TAF6L: variants seen among roughly 807,000 people sequenced by gnomAD.
TAF6L encodes the protein TAF6-like RNA polymerase II p300/CBP-associated factor-associated factor 65 kDa subunit 6L.
In TAF6L, 34 loss-of-function variants were observed where a neutral mutation model predicts 57.3. That is an observed-to-expected ratio of 0.59 (90% CI 0.45 to 0.79). TAF6L has a LOEUF of 0.79. Ranked by LOEUF, TAF6L falls within the 30% of genes least tolerant of loss-of-function variation. The probability of loss-of-function intolerance (pLI) is 0.00; values close to 1 mark genes in which losing one functional copy is unlikely to be tolerated. For missense variants in TAF6L, 782 were observed against 853.2 expected, an observed-to-expected ratio of 0.92 and a Z score of 1.04; for synonymous variants, 417 against 376.3, an observed-to-expected ratio of 1.11 and a Z score of -1.25.
chr11:62,771,727 C>T (rs2584917), intron 1 of TAF6L: 1 of 206,832 alleles, frequency 4.8e-6, no homozygotes, highest in African/African-American at 2.3e-5. Flanking sequence ...CCCACGCCTC[C>T]TCTCCAGCGT....
intron 9 of TAF6L, among the ~76,000 whole-genome samples, chr11:62,783,526 A>C (rs1248982039): frequency 6.7e-6 from 1 of 148,284 alleles, no homozygotes; most frequent in Non-Finnish European, 1.5e-5. Flanking sequence ...TAATATTAAG[A>C]GGGAGGATCT....
At position 62,787,186 on chromosome 11, in the gene TAF6L, G is replaced by C. The variant is rs761942014; in HGVS notation, c.1759G>C (p.Gly587Arg). Reference sequence around the variant, plus strand: ...CCAGACTGCCTTCCCCGCGCCGTACGGGCCTAGCCCGGCCTCGCGCTACGT... The same window carrying C: ...CCAGACTGCCTTCCCCGCGCCGTACCGGCCTAGCCCGGCCTCGCGCTACGT... The part of the protein sequence containing the change: ...LFQTAFPAPY[G>R]PSPASRYVQK... Residue 587 changes from glycine (G) to arginine (R), a missense_variant, in exon 11 of 11, where the codon GGG becomes CGG. Transcript: ENST00000294168. The C allele has an allele frequency of 3.2e-6, 5 of 1,585,646 alleles. No individual in the cohort carries two copies. In the Admixed American group the frequency reaches 8.5e-5, roughly 27 times the overall value.
rs1197102359 is a variant in TAF6L, at chr11:62,787,304, G to C, written c.*8G>C. 3 of 1,533,550 alleles carry C rather than the reference G, an allele frequency of 2.0e-6. No homozygotes were observed. Among genetic ancestry groups the C allele is most frequent in the Middle Eastern group, 1.7e-4 (1 of 5,788 alleles). The allele number at this position is 1,533,550 out of a possible 1,614,324, so 95.0% of individuals were successfully genotyped here. On this transcript the variant is annotated 3_prime_UTR_variant, in exon 11 of 11. Coordinates refer to ENST00000294168, the MANE Select transcript of TAF6L (RefSeq NM_006473.4). ...CTGTACTTGCCGCTCTGAGTCAGTG[G>C]CCCCTTCGTTCCTTGTAAATAAATC...
rs1434568710 is a variant in TAF6L at position 62,775,793 on chromosome 11, C to T, written c.10C>T (p.Arg4Ter). MSE[R>*]EERRFVEIPR... ...CAGCTCCACTGGGGCCATGTCAGAGCGAGAAGAGCGGCGGTTTGTGGAGAT... is the reference window on the plus strand; with the variant it reads ...CAGCTCCACTGGGGCCATGTCAGAGTGAGAAGAGCGGCGGTTTGTGGAGAT... Residue 4 changes from arginine (R) to a stop codon, truncating the protein, a stop_gained, in exon 2 of 11, where the codon CGA becomes TGA. Coordinates refer to ENST00000294168, the MANE Select transcript of TAF6L (RefSeq NM_006473.4). LOFTEE classifies it high-confidence loss of function. 6.2e-7 allele frequency: 1 copy of T among 1,608,302 alleles called. No individual in the cohort carries two copies.
At chr11:62,772,366 AC>A (rs1186128991) in intron 1 of TAF6L, among the ~76,000 whole-genome samples, 3 of 151,986 alleles carry the variant, frequency 2.0e-5, no homozygotes, top group African/African-American at 7.3e-5. Flanking sequence ...TACTAAAAAT[AC>A]AAAAAATTAG....
At position 62,787,289 on chromosome 11, in the gene TAF6L, C is replaced by A. The variant is rs759637135; in HGVS notation, c.1862C>A (p.Pro621Gln). 2.6e-6 allele frequency: 4 copies of A among 1,539,798 alleles called. No individual in the cohort carries two copies. Among genetic ancestry groups the A allele is most frequent in the Admixed American group, 2.0e-5 (1 of 50,916 alleles). ...WALSDYSLYL[P>Q]L ...CTCTCGGACTACTCGCTGTACTTGC[C>A]GCTCTGAGTCAGTGGCCCCTTCGTT... is the stretch of plus-strand genomic sequence containing the variant. Residue 621 changes from proline (P) to glutamine (Q), a missense_variant, in exon 11 of 11, where the codon CCG becomes CAG. Physicochemically the swap from Pro to Gln is moderately conservative, Grantham distance 76. Transcript: ENST00000294168.
intron 6 of TAF6L, among the ~76,000 whole-genome samples, chr11:62,779,945 C>A (rs1392809130): frequency 2.4e-5 from 3 of 125,080 alleles, no homozygotes; most frequent in Admixed American, 8.5e-5. Context: ...GGATTACAGG[C>A]GTGAGCCTAT....
intron 6 of TAF6L, among the ~76,000 whole-genome samples, chr11:62,780,601 G>A (rs559394550): frequency 2.6e-5 from 4 of 152,096 alleles, no homozygotes; most frequent in Admixed American, 2.0e-4. Flanking sequence ...ACTAGTACAT[G>A]TTTACTGTAG....
chr11:62,782,653 A>G, intron 8 of TAF6L, 40 bp from the exon 9 acceptor site: 2 of 1,605,088 alleles, frequency 1.2e-6, no homozygotes, highest in African/African-American at 1.3e-5. Flanking sequence ...GGGTGGCACC[A>G]TGCCTCATTC....
rs567106716 is a variant in TAF6L at position 62,780,173 on chromosome 11, C to T, written c.531+1210C>T. On this transcript the variant is annotated intron_variant, in intron 6 of 10. Coordinates refer to ENST00000294168, the MANE Select transcript of TAF6L (RefSeq NM_006473.4). ...ATCTTCACTAAAAATACAAAATTAA[C>T]TGGCTGTTGTGGTGGGTGCCTGTAA... 2.6e-5 allele frequency among the ~76,000 whole-genome samples: 4 copies of T among 151,196 alleles called. No individual in the cohort carries two copies. In the East Asian group the frequency reaches 7.9e-4, roughly 30 times the overall value.
At position 62,778,655 on chromosome 11, in the gene TAF6L, G is replaced by T. The variant is rs999038768; in HGVS notation, c.437-214G>T. ...AGCTCTCAGGAGTCCGTCTGGCAGA[G>T]GGTGGGTGGAAGACAGGACAGAGCA... On this transcript the variant is annotated intron_variant, in intron 5 of 10. Coordinates refer to ENST00000294168, the MANE Select transcript of TAF6L (RefSeq NM_006473.4). The T allele has an allele frequency of 8.2e-6, 5 of 612,754 alleles. No homozygotes were observed. In the Admixed American group the frequency reaches 1.2e-4, roughly 14 times the overall value. The allele number at this position is 612,754 out of a possible 1,614,324, so 38.0% of individuals were successfully genotyped here.
intron 9 of TAF6L, among the ~76,000 whole-genome samples, chr11:62,783,139 A>G (rs1334023744): frequency 6.6e-6 from 1 of 152,226 alleles, no homozygotes; most frequent in Non-Finnish European, 1.5e-5. Context: ...GAATTTTGTC[A>G]TACCTTTTTA....
At position 62,786,971 on chromosome 11, in the gene TAF6L, G is replaced by A; in HGVS notation, c.1544G>A (p.Gly515Glu). Residue 515 changes from glycine to glutamate, a missense_variant, in exon 11 of 11, where the codon GGG becomes GAG. Gly to Glu is a moderately conservative substitution (Grantham distance 98, BLOSUM62 -2). This residue lies in a region of TAF6L where 483 missense variants were observed against 445.1 expected (regional missense o/e 1.09). Transcript: ENST00000294168. ...GGAGGCGGCCCCGCGTCGGCCTCTGGGCCCGCCGCCTCTGAGAGCAGGCCC... is the reference window on the plus strand; with the variant it reads ...GGAGGCGGCCCCGCGTCGGCCTCTGAGCCCGCCGCCTCTGAGAGCAGGCCC... ...SGGGGPASAS[G>E]PAASESRPLP... is the part of the protein sequence containing the mutation. The A allele has an allele frequency of 6.9e-7, 1 of 1,447,808 alleles. No individual in the cohort carries two copies. The highest frequency in any genetic ancestry group is 9.0e-7 in the Non-Finnish European group (1 of 1,111,962). The allele number at this position is 1,447,808 out of a possible 1,614,324, so 89.7% of individuals were successfully genotyped here.
chr11:62,787,243 C>T lies in TAF6L; in HGVS notation c.1816C>T (p.Arg606Cys), dbSNP rs2134732601. Residue 606 changes from arginine to cysteine, a missense_variant, in exon 11 of 11, where the codon CGC (arginine) becomes TGC (cysteine). Arg to Cys is a radical substitution (Grantham distance 180, BLOSUM62 -3). Around this residue, in one of 3 missense-constraint regions of TAF6L, gnomAD observed 483 missense variants for 445.1 expected, o/e 1.09. Transcript: ENST00000294168. The part of the protein sequence containing the change: ...QKLPMIGRTS[R>C]PARRWALSDY... Reference sequence around the variant, plus strand: ...ACTGCCCATGATCGGCCGTACCAGCCGCCCCGCCCGCCGGTGGGCGCTCTC... The same window carrying T: ...ACTGCCCATGATCGGCCGTACCAGCTGCCCCGCCCGCCGGTGGGCGCTCTC... The T allele has an allele frequency of 6.4e-7, 1 of 1,563,762 alleles. No individual in the cohort carries two copies. Among genetic ancestry groups the T allele is most frequent in the Non-Finnish European group, 8.6e-7 (1 of 1,162,742 alleles).
intron 1 of TAF6L, among the ~76,000 whole-genome samples, chr11:62,774,819 C>T (rs1787724): frequency 0.025 from 3,697 of 148,390 alleles, 155 homozygotes; most frequent in African/African-American, 0.086. Flanking sequence ...CGTGGTGGCA[C>T]GTGCCTGTAA....
intron 9 of TAF6L, chr11:62,786,050 C>T (rs2084271750): frequency 3.5e-6 from 2 of 576,096 alleles, no homozygotes; most frequent in South Asian, 2.4e-5. Flanking sequence ...TTTATTGTCT[C>T]CCTTTGTACC....
chr11:62,783,515 ATAATAT>A (rs1207282786), intron 9 of TAF6L, among the ~76,000 whole-genome samples: 4 of 148,466 alleles, frequency 2.7e-5, no homozygotes, highest in African/African-American at 7.4e-5. Context: ...TGCCACTGTG[ATAATAT>A]TAAGAGGGAG....
Position 62,786,734 on chromosome 11 carries a change from C to T in TAF6L, c.1307C>T (p.Thr436Ile). The change falls in exon 11 of 11, where the codon ACC (threonine) becomes ATC (isoleucine). Residue 436 changes from threonine to isoleucine, a missense_variant. This residue lies in a region of TAF6L where 483 missense variants were observed against 445.1 expected (regional missense o/e 1.09). Coordinates refer to ENST00000294168, the MANE Select transcript of TAF6L (RefSeq NM_006473.4). ...CCGGAGGACCCTTCTCTTTCGGTGA[C>T]CCTGGCCGACATCTACCGGGAGCTC... ...AGPEDPSLSV[T>I]LADIYRELYA... 1.2e-6 allele frequency: 2 copies of T among 1,613,240 alleles called. No individual in the cohort carries two copies. Among genetic ancestry groups the T allele is most frequent in the South Asian group, 1.1e-5 (1 of 91,082 alleles).
chr11:62,786,567 C>T lies in TAF6L; in HGVS notation c.1140C>T (p.Asn380=), dbSNP rs980381034. ...LKMKAQAAEP[N]RGGPGGRGCR... ...TGAAGGCCCAGGCAGCAGAGCCCAA[C>T]AGGGGTGGCCCAGGTGGCAGGGGGT... is the stretch of plus-strand genomic sequence containing the variant. Residue 380 remains asparagine (N), a synonymous_variant, in exon 11 of 11, where the codon AAC becomes AAT. Coordinates refer to ENST00000294168, the MANE Select transcript of TAF6L (RefSeq NM_006473.4). The T allele has an allele frequency of 1.3e-6, 2 of 1,568,058 alleles. No homozygotes were observed. Among genetic ancestry groups the T allele is most frequent in the Non-Finnish European group, 1.7e-6 (2 of 1,157,824 alleles).
Sources: gnomAD v4.1 joint callset for allele counts (sites outside exome capture counted in the v4.1 genomes callset) on GRCh38, gnomAD v4.1.1 for gene constraint, gnomAD v4.1.1 regional missense constraint, MANE v1.5 for transcripts, NCBI Gene and HGNC (gene_info 2026-07-23, HGNC 2026-07-21) for gene names.